Variants in ATXN7 observed in about 807,000 individuals in gnomAD.
ATXN7 encodes ataxin 7, also known as ataxin-7.
Under a neutral mutation model 70.5 loss-of-function variants are expected in ATXN7, and 12 were observed. The observed-to-expected ratio is 0.17, with a 90% CI of 0.11 to 0.28. ATXN7 has a LOEUF of 0.28. Among genes scored for constraint, ATXN7 ranks in the 10% least tolerant of loss-of-function variants. The pLI is 1.00. For synonymous variants in ATXN7, 498 were observed against 448.7 expected, an observed-to-expected ratio of 1.11 and a Z score of -1.39; for missense variants, 1,256 against 1,131.7, an observed-to-expected ratio of 1.11 and a Z score of -1.58.
chr3:63,934,060 G>T (rs2074612577), intron 4 of ATXN7, among the ~76,000 whole-genome samples: 1 of 152,178 alleles, frequency 6.6e-6, no homozygotes, highest in South Asian at 2.1e-4. Context: ...GTTCATCATT[G>T]TTTTTAGAAT....
Position 63,996,302 on chromosome 3 carries a change from C to T in ATXN7, c.2480C>T (p.Thr827Ile). 2 of 1,614,180 alleles carry T rather than the reference C, an allele frequency of 1.2e-6. No homozygotes were observed. The highest frequency in any genetic ancestry group is 2.2e-5 in the East Asian group (1 of 44,866). Residue 827 changes from threonine (T) to isoleucine (I), a missense_variant, in exon 12 of 13, where the codon ACT becomes ATT. Transcript: ENST00000674280. The part of the protein sequence containing the change: ...NSHGSFSHSH[T>I]PLDKLIGKKR... ...CACGGCAGTTTTTCCCACTCACACACTCCTCTAGACAAACTCATAGGAAAG... is the reference window on the plus strand; with the variant it reads ...CACGGCAGTTTTTCCCACTCACACATTCCTCTAGACAAACTCATAGGAAAG...
chr3:63,932,130 C>A (rs1240011191), intron 4 of ATXN7, among the ~76,000 whole-genome samples: 1 of 152,130 alleles, frequency 6.6e-6, no homozygotes, highest in Non-Finnish European at 1.5e-5. Context: ...TCACAAATTT[C>A]CATTATTATT....
Position 64,003,294 on chromosome 3 carries a change from A to C in ATXN7, c.*3827A>C, listed in dbSNP as rs552334923. 7 of 150,042 alleles carry C rather than the reference A, an allele frequency of 4.7e-5. No homozygotes were observed. The highest frequency in any genetic ancestry group is 2.1e-4 in the South Asian group (1 of 4,790). The allele number at this position is 150,042 out of a possible 1,614,324, so 9.3% of individuals were successfully genotyped here. Reference sequence around the variant, plus strand: ...GTGAATAGTTTGATAATTTGTACACATAATCAAGAGCATCTCAGCTGGACT... The same window carrying C: ...GTGAATAGTTTGATAATTTGTACACCTAATCAAGAGCATCTCAGCTGGACT... On this transcript the variant is annotated 3_prime_UTR_variant, in exon 13 of 13. Coordinates refer to ENST00000674280, the MANE Select transcript of ATXN7 (RefSeq NM_001377405.1).
intron 2 of ATXN7, among the ~76,000 whole-genome samples, chr3:63,911,356 T>G (rs553700724): frequency 6.6e-6 from 1 of 152,312 alleles, no homozygotes; most frequent in South Asian, 2.1e-4. Flanking sequence ...GGAGGGGTGC[T>G]AAGTTTTGCG....
chr3:63,984,666 C>T (rs1042884246), intron 8 of ATXN7, among the ~76,000 whole-genome samples: 12 of 152,248 alleles, frequency 7.9e-5, no homozygotes, highest in African/African-American at 2.7e-4. Flanking sequence ...CAGGGAACCA[C>T]ACCTTTAAGT....
intron 2 of ATXN7, among the ~76,000 whole-genome samples, chr3:63,907,270 G>C (rs566151697): frequency 2.0e-5 from 3 of 152,078 alleles, no homozygotes; most frequent in Admixed American, 2.0e-4. Context: ...TAGAACCCAC[G>C]CTCTTAATGG....
chr3:63,899,082 A>G (rs1703533930), intron 2 of ATXN7, among the ~76,000 whole-genome samples: 1 of 147,156 alleles, frequency 6.8e-6, no homozygotes, highest in African/African-American at 2.5e-5. Context: ...TCTTTTTTTG[A>G]GACAGAGTCT....
intron 1 of ATXN7, among the ~76,000 whole-genome samples, chr3:63,875,152 G>A (rs1230960887): frequency 6.6e-6 from 1 of 152,050 alleles, no homozygotes; most frequent in Non-Finnish European, 1.5e-5. Flanking sequence ...ATAGGGTTTT[G>A]CCATGTTGTC....
intron 1 of ATXN7, among the ~76,000 whole-genome samples, chr3:63,877,366 A>C (rs1235475303): frequency 2.0e-5 from 3 of 152,236 alleles, no homozygotes; most frequent in Non-Finnish European, 4.4e-5. Context: ...CCAGCTGCTT[A>C]TAGAGTTCTC....
chr3:63,961,624 C>G (rs1282350436), intron 5 of ATXN7, among the ~76,000 whole-genome samples: 1 of 152,010 alleles, frequency 6.6e-6, no homozygotes, highest in Non-Finnish European at 1.5e-5. Flanking sequence ...TGGATCAAAA[C>G]ATTACACTGT....
chr3:63,892,467 T>A (rs1703301972), intron 1 of ATXN7, among the ~76,000 whole-genome samples: 1 of 131,700 alleles, frequency 7.6e-6, no homozygotes, highest in African/African-American at 2.9e-5. Context: ...TATCGCTCCT[T>A]CACACACACA....
At chr3:63,903,498 C>G (rs1209223873) in intron 2 of ATXN7, among the ~76,000 whole-genome samples, 1 of 150,694 alleles carries the variant, frequency 6.6e-6, no homozygotes, top group Non-Finnish European at 1.5e-5. Flanking sequence ...TGGACCATTA[C>G]ATTATATGCT....
At position 63,995,667 on chromosome 3, in the gene ATXN7, C is replaced by G. The variant is rs1559662652; in HGVS notation, c.1845C>G (p.Ser615Arg). ...CATCTACCTGCATCTCCCCAAATAGCAAATCGGTACCAGCTCATGGAACCA... is the reference window on the plus strand; with the variant it reads ...CATCTACCTGCATCTCCCCAAATAGGAAATCGGTACCAGCTCATGGAACCA... ...LLSSTCISPN[S>R]KSVPAHGTTL... is the part of the protein sequence containing the mutation. Residue 615 changes from serine to arginine, a missense_variant, in exon 12 of 13, where the codon AGC becomes AGG. Coordinates refer to ENST00000674280, the MANE Select transcript of ATXN7 (RefSeq NM_001377405.1). 1.2e-6 allele frequency: 2 copies of G among 1,614,074 alleles called. No individual in the cohort carries two copies. Among genetic ancestry groups the G allele is most frequent in the South Asian group, 2.2e-5 (2 of 91,086 alleles).
intron 2 of ATXN7, among the ~76,000 whole-genome samples, chr3:63,909,559 G>A (rs1703944721): frequency 6.6e-6 from 1 of 152,182 alleles, no homozygotes; most frequent in South Asian, 2.1e-4. Flanking sequence ...TTGTACTCTT[G>A]TTTATAAACA....
intron 2 of ATXN7, among the ~76,000 whole-genome samples, chr3:63,899,211 C>G (rs1263851563): frequency 6.6e-6 from 1 of 151,820 alleles, no homozygotes; most frequent in African/African-American, 2.4e-5. Flanking sequence ...TACAGGTGTG[C>G]ACCACTACAC....
intron 4 of ATXN7, among the ~76,000 whole-genome samples, chr3:63,925,006 G>C (rs1464321067): frequency 6.6e-6 from 1 of 152,178 alleles, no homozygotes; most frequent in Non-Finnish European, 1.5e-5. Flanking sequence ...AGTACCTTGA[G>C]TTGGAAAAAG....
In ATXN7 at chr3:63,982,344, G is replaced by A. The variant is rs201209382; in HGVS notation, c.911G>A (p.Gly304Glu). Reference protein sequence around the residue: ...SIPKPTLPSPGQILNGKGLPA... With the variant: ...SIPKPTLPSPEQILNGKGLPA... Reference sequence around the variant, plus strand: ...CCAAAGCCAACCTTGCCTTCACCTGGACAGATTCTGAATGGCAAAGGGCTT... The same window carrying A: ...CCAAAGCCAACCTTGCCTTCACCTGAACAGATTCTGAATGGCAAAGGGCTT... Residue 304 changes from glycine to glutamate, a missense_variant, in exon 7 of 13, where the codon GGA (glycine) becomes GAA (glutamate). Coordinates refer to ENST00000674280, the MANE Select transcript of ATXN7 (RefSeq NM_001377405.1). 7.4e-6 allele frequency: 12 copies of A among 1,614,018 alleles called. No individual in the cohort carries two copies. The South Asian group carries it at 1.3e-4, about 18-fold the overall frequency.
At chr3:63,923,044 C>T (rs1232418958) in intron 4 of ATXN7, among the ~76,000 whole-genome samples, 1 of 152,194 alleles carries the variant, frequency 6.6e-6, no homozygotes, top group East Asian at 1.9e-4. Flanking sequence ...CTGGTCATTT[C>T]ACTTTCTGAC....
At chr3:63,952,100 T>C (rs2074964286) in intron 4 of ATXN7, among the ~76,000 whole-genome samples, 1 of 152,214 alleles carries the variant, frequency 6.6e-6, no homozygotes, top group African/African-American at 2.4e-5. Context: ...TTGGTAGAGT[T>C]CATCTAATGT....
Sources: allele counts gnomAD v4.1 joint callset (sites outside exome capture counted in the v4.1 genomes callset), GRCh38; gene constraint gnomAD v4.1.1; transcripts MANE v1.5; gene names NCBI Gene and HGNC (gene_info 2026-07-23, HGNC 2026-07-21).